AP2B1: variants seen among roughly 807,000 people sequenced by gnomAD.
The protein encoded by AP2B1 is adaptor related protein complex 2 subunit beta 1.
AP2B1 carries 23 observed loss-of-function variants against 102.0 expected under a neutral mutation model. The observed-to-expected ratio is 0.23, with a 90% CI of 0.16 to 0.32. The LOEUF is 0.32. AP2B1 is among the 10% of genes least tolerant of loss of function. AP2B1 has a pLI of 1.00. For synonymous variants in AP2B1, 381 were observed against 421.2 expected (o/e 0.90, Z 1.17); for missense variants, 541 against 1,157.4 (o/e 0.47, Z 7.73).
In AP2B1 at chr17:35,627,638, C is replaced by A; in HGVS notation, c.1067C>A (p.Ala356Glu). The A allele has an allele frequency of 1.2e-6, 2 of 1,613,868 alleles. No homozygotes were observed. The highest frequency in any genetic ancestry group is 8.5e-7 in the Non-Finnish European group (1 of 1,179,928). ...ACTTCCTGGGTTTAACAGGTTCTGG[C>A]AGAACTGAAAGAATATGCTACAGAG... ...ASQANIAQVL[A>E]ELKEYATEVD... is the part of the protein sequence containing the mutation. Residue 356 changes from alanine to glutamate, a missense_variant, in exon 9 of 22, where the codon GCA becomes GAA. Physicochemically the swap from Ala to Glu is moderately radical, Grantham distance 107. Around this residue, in one of 10 missense-constraint regions of AP2B1, gnomAD observed 106 missense variants for 296.4 expected, o/e 0.36. Transcript: ENST00000610402.
At chr17:35,684,822 A>G (rs765143169) in intron 18 of AP2B1, among the ~76,000 whole-genome samples, 1 of 152,174 alleles carries the variant, frequency 6.6e-6, no homozygotes, top group Non-Finnish European at 1.5e-5. Context: ...AGAATGCTTT[A>G]CCTCATAAGT....
intron 12 of AP2B1, among the ~76,000 whole-genome samples, chr17:35,649,362 G>A (rs775610129): frequency 6.6e-6 from 1 of 151,946 alleles, no homozygotes; most frequent in Non-Finnish European, 1.5e-5. Context: ...TCCGCCTCCC[G>A]GGTTCGAGTG....
intron 14 of AP2B1, among the ~76,000 whole-genome samples, chr17:35,660,658 A>G (rs2075339933): frequency 1.3e-5 from 2 of 151,584 alleles, no homozygotes; most frequent in South Asian, 4.2e-4. Flanking sequence ...AATTTTTTGT[A>G]TTTTTAGTAG....
At chr17:35,672,834 A>G (rs767955633) in intron 16 of AP2B1, among the ~76,000 whole-genome samples, 5 of 152,210 alleles carry the variant, frequency 3.3e-5, no homozygotes, top group Non-Finnish European at 7.3e-5. Context: ...AAAATGTAAG[A>G]AGGAAAATTG....
intron 5 of AP2B1, among the ~76,000 whole-genome samples, chr17:35,616,230 T>C (rs2074015320): frequency 1.5e-5 from 2 of 132,566 alleles, no homozygotes; most frequent in Non-Finnish European, 3.1e-5. Context: ...AGTGGCGCGA[T>C]CTCGGCTCAC....
At chr17:35,610,463 C>T (rs1205001940) in intron 5 of AP2B1, among the ~76,000 whole-genome samples, 1 of 149,048 alleles carries the variant, frequency 6.7e-6, no homozygotes, top group Non-Finnish European at 1.5e-5. Context: ...TTAAAAATTA[C>T]ATAAAGAAAT....
At position 35,717,210 on chromosome 17, in the gene AP2B1, A is replaced by G; in HGVS notation, c.2642A>G (p.Lys881Arg). 1 of 1,613,942 alleles carries G rather than the reference A, an allele frequency of 6.2e-7. No individual in the cohort carries two copies. The highest frequency in any genetic ancestry group is 8.5e-7 in the Non-Finnish European group (1 of 1,179,862). ...CHLNADTVSS[K>R]LQNNNVYTIA... The stretch of plus-strand genomic sequence containing the variant: ...GTATTTCTAGACACTGTTTCCAGCA[A>G]GTTGCAAAACAACAATGTTTATACT... The change falls in exon 21 of 22, where the codon AAG becomes AGG. Residue 881 changes from lysine (K) to arginine (R), a missense_variant. By Grantham distance (26) the Lys-to-Arg change is conservative. This residue lies in a region of AP2B1 where 117 missense variants were observed against 206.7 expected (regional missense o/e 0.57). Coordinates refer to ENST00000610402, the MANE Select transcript of AP2B1 (RefSeq NM_001030006.2).
Position 35,657,746 on chromosome 17 carries a change from G to A in AP2B1, c.1944G>A (p.Met648Ile), listed in dbSNP as rs1439064991. ...TCAATGTGCCACAGGTGTCCTCCAT[G>A]CAGATGGGAGCAGTGGATCTCCTAG... Reference protein sequence around the residue: ...PPVNVPQVSSMQMGAVDLLGG... With the variant: ...PPVNVPQVSSIQMGAVDLLGG... The change falls in exon 14 of 22, where the codon ATG becomes ATA. Residue 648 changes from methionine to isoleucine, a missense_variant. Coordinates refer to ENST00000610402, the MANE Select transcript of AP2B1 (RefSeq NM_001030006.2). 6.2e-7 allele frequency: 1 copy of A among 1,613,972 alleles called. No individual in the cohort carries two copies. The highest frequency in any genetic ancestry group is 8.5e-7 in the Non-Finnish European group (1 of 1,180,018).
Position 35,611,261 on chromosome 17 carries a change from G to A in AP2B1, c.525+2874G>A, listed in dbSNP as rs1443698719. On this transcript the variant is annotated intron_variant, in intron 5 of 21. Coordinates refer to ENST00000610402, the MANE Select transcript of AP2B1 (RefSeq NM_001030006.2). ...TGTGCTGCAACCGTCAACCAGGTGG[G>A]CAGAATATCATGTACCCCGTGGAAA... Among the ~76,000 whole-genome samples the A allele has an allele frequency of 2.6e-5, 4 of 152,274 alleles. No individual in the cohort carries two copies. In the East Asian group the frequency reaches 7.7e-4, roughly 29 times the overall value.
intron 18 of AP2B1, among the ~76,000 whole-genome samples, chr17:35,691,870 A>G (rs182298575): frequency 2.1e-3 from 319 of 152,364 alleles, no homozygotes; most frequent in Admixed American, 3.4e-3. Context: ...TTCATGTCCC[A>G]TCAGGACTAT....
At chr17:35,718,422 G>C (rs2085248772) in intron 21 of AP2B1, among the ~76,000 whole-genome samples, 1 of 150,878 alleles carries the variant, frequency 6.6e-6, no homozygotes, top group Non-Finnish European at 1.5e-5. Context: ...AAAACTTCAG[G>C]CTTCCCTCAT....
At chr17:35,630,666 AAGGCTGTT>A (rs1461919096) in intron 9 of AP2B1, among the ~76,000 whole-genome samples, 3 of 152,172 alleles carry the variant, frequency 2.0e-5, no homozygotes, top group Admixed American at 6.5e-5. Flanking sequence ...TAGATTCCTC[AAGGCTGTT>A]AGTCATCTAT....
At chr17:35,664,452 A>G (rs2075420224) in intron 14 of AP2B1, among the ~76,000 whole-genome samples, 1 of 152,030 alleles carries the variant, frequency 6.6e-6, no homozygotes, top group Non-Finnish European at 1.5e-5. Flanking sequence ...AGTTGGTTCT[A>G]TTCATATGTT....
chr17:35,663,801 A>G (rs2075405946), intron 14 of AP2B1, among the ~76,000 whole-genome samples: 1 of 152,230 alleles, frequency 6.6e-6, no homozygotes, highest in South Asian at 2.1e-4. Context: ...GTCCCTGAGT[A>G]TATGAGTTTG....
At chr17:35,721,466 G>A (rs587762835) in intron 21 of AP2B1, among the ~76,000 whole-genome samples, 1 of 152,270 alleles carries the variant, frequency 6.6e-6, no homozygotes. Flanking sequence ...CAAAATGAGA[G>A]CCAGAGTCCT....
intron 21 of AP2B1, among the ~76,000 whole-genome samples, chr17:35,722,683 T>C (rs1474294946): frequency 2.0e-5 from 3 of 152,204 alleles, no homozygotes; most frequent in Non-Finnish European, 4.4e-5. Flanking sequence ...CTCACGGTGC[T>C]ACATCATTCA....
intron 4 of AP2B1, among the ~76,000 whole-genome samples, chr17:35,606,889 T>A (rs2073694734): frequency 6.6e-6 from 1 of 152,080 alleles, no homozygotes; most frequent in Non-Finnish European, 1.5e-5. Flanking sequence ...AAAATAATAA[T>A]GGGATCATTC....
chr17:35,695,529 C>G (rs1330074594), intron 18 of AP2B1, among the ~76,000 whole-genome samples: 1 of 152,050 alleles, frequency 6.6e-6, no homozygotes, highest in African/African-American at 2.4e-5. Flanking sequence ...CTGTTCCATT[C>G]AAGTAACCCT....
intron 14 of AP2B1, among the ~76,000 whole-genome samples, chr17:35,669,397 C>G (rs1197985872): frequency 6.6e-6 from 1 of 152,156 alleles, no homozygotes; most frequent in Non-Finnish European, 1.5e-5. Flanking sequence ...TCACCTTGGC[C>G]TCCCAAAGTG....
Sources: allele counts gnomAD v4.1 joint callset (sites outside exome capture counted in the v4.1 genomes callset), GRCh38; gene constraint gnomAD v4.1.1; regional missense constraint gnomAD v4.1.1; transcripts MANE v1.5; gene names NCBI Gene and HGNC (gene_info 2026-07-23, HGNC 2026-07-21).